The following RNF181 variants were observed in gnomAD, a reference collection of about 807,000 sequenced individuals.
RNF181 encodes E3 ubiquitin-protein ligase RNF181.
RNF181 carries 25 observed loss-of-function variants against 23.3 expected under a neutral mutation model. That is an observed-to-expected ratio of 1.07 (90% CI 0.78 to 1.50). RNF181 has a LOEUF of 1.50. RNF181 is among the 40% of genes most tolerant of loss of function. The pLI is 0.00. For missense variants in RNF181, 167 were observed against 191.1 expected (o/e 0.87, Z 0.74); for synonymous variants, 62 against 70.9 (o/e 0.87, Z 0.63).
Position 85,597,104 on chromosome 2 carries a change from A to C in RNF181, c.328A>C (p.Thr110Pro). The C allele has an allele frequency of 1.2e-6, 2 of 1,614,108 alleles. No individual in the cohort carries two copies. Among genetic ancestry groups the C allele is most frequent in the Non-Finnish European group, 1.7e-6 (2 of 1,180,002 alleles). The change falls in exon 4 of 5, where the codon ACA (threonine) becomes CCA (proline). Residue 110 changes from threonine (T) to proline (P), a missense_variant and splice_region_variant. Transcript: ENST00000306368. The part of the protein sequence containing the change: ...SSCILPWLSK[T>P]NSCPLCRYEL... ...TAGAACACTACTCTACTTTTCTCAG[A>C]CAAATTCCTGTCCCTTGTGCCGCTA...
intron 1 of RNF181, 103 bp downstream of exon 1, chr2:85,595,952 A>T: frequency 2.0e-6 from 2 of 981,334 alleles, no homozygotes; most frequent in Non-Finnish European, 3.2e-6. Context: ...TGGGGAGGAC[A>T]GATGAGTAAT....
In RNF181 at chr2:85,597,530, T is replaced by C. The variant is rs1672702591; in HGVS notation, c.*26T>C. 6.2e-7 allele frequency: 1 copy of C among 1,612,978 alleles called. No homozygotes were observed. ...GGAGGTTGGGGCTGAGTGCTGGCCC[T>C]CTGCGTCTTCCTTATTAACCTTGAA... is the stretch of plus-strand genomic sequence containing the variant. On this transcript the variant is annotated 3_prime_UTR_variant, in exon 5 of 5. Transcript: ENST00000306368.
chr2:85,597,355 A>G, intron 4 of RNF181, 90 bp from the exon 5 acceptor site: 1 of 1,501,946 alleles, frequency 6.7e-7, no homozygotes, highest in South Asian at 1.3e-5. Context: ...CAGAGGCCTG[A>G]AAACAGAGCC....
intron 4 of RNF181, 102 bp downstream of exon 4, chr2:85,597,280 T>G: frequency 2.9e-6 from 4 of 1,377,830 alleles, no homozygotes; most frequent in Non-Finnish European, 4.0e-6. Flanking sequence ...GGCCTCAGAA[T>G]CCCTGGCTCT....
In RNF181 at chr2:85,596,519, G is replaced by GGGA. The variant is rs751546184; in HGVS notation, c.87_88insGGA (p.Arg29_Ser30insGly). ...TCTGACTTTACATCCCCTTCCCCAGGTCACTTTTCAATAGGATGGACTTTG... is the reference window on the plus strand; with the variant it reads ...TCTGACTTTACATCCCCTTCCCCAGGGGATCACTTTTCAATAGGATGGACTTTG... On this transcript the variant is annotated inframe_insertion and splice_region_variant, in exon 2 of 5. Coordinates refer to ENST00000306368, the MANE Select transcript of RNF181 (RefSeq NM_016494.4). 39 of 1,600,542 alleles carry GGGA rather than the reference G, an allele frequency of 2.4e-5. No homozygotes were observed.
chr2:85,595,866 T>A lies in RNF181; in HGVS notation c.86+17T>A. 1.2e-6 allele frequency: 2 copies of A among 1,611,112 alleles called. No homozygotes were observed. Among genetic ancestry groups the A allele is most frequent in the Non-Finnish European group, 8.5e-7 (1 of 1,178,244 alleles). ...GCTCGCAAGGTGGGTGCGCGGGGCT[T>A]GGGGATAGGGTCCAACCAGCAGGTT... On this transcript the variant is annotated intron_variant, in intron 1 of 4. Transcript: ENST00000306368.
rs190696311 is a variant in RNF181 at position 85,596,641 on chromosome 2, C to G, written c.209C>G (p.Ser70Cys). The change falls in exon 2 of 5, where the codon TCT becomes TGT. Residue 70 changes from serine to cysteine, a missense_variant. Coordinates refer to ENST00000306368, the MANE Select transcript of RNF181 (RefSeq NM_016494.4). The part of the protein sequence containing the change: ...ENLPRTVIRG[S>C]QAELKCPVCL... ...CTCCCCAGGACAGTCATCAGAGGCT[C>G]TCAGGCTGGTGAGGACACTGATTCT... The G allele has an allele frequency of 1.3e-5, 21 of 1,613,688 alleles. No individual in the cohort carries two copies. The African/African-American group carries it at 1.5e-4, about 11-fold the overall frequency.
chr2:85,597,666 A>T lies in RNF181; in HGVS notation c.*162A>T. 7.3e-7 allele frequency: 1 copy of T among 1,368,074 alleles called. No homozygotes were observed. The highest frequency in any genetic ancestry group is 1.6e-5 in the South Asian group (1 of 62,160). The allele number at this position is 1,368,074 out of a possible 1,614,324, so 84.7% of individuals were successfully genotyped here. The stretch of plus-strand genomic sequence containing the variant: ...ACTTCTGTTGGGGAAGGTGATCCTA[A>T]ATCGCAGAAGGCACCAGGCTGCGGT... On this transcript the variant is annotated 3_prime_UTR_variant, in exon 5 of 5. Coordinates refer to ENST00000306368, the MANE Select transcript of RNF181 (RefSeq NM_016494.4).
intron 1 of RNF181, among the ~76,000 whole-genome samples, chr2:85,596,155 G>A (rs1312379908): frequency 6.6e-6 from 1 of 152,084 alleles, no homozygotes; most frequent in Non-Finnish European, 1.5e-5. Context: ...GGGCGGGGTT[G>A]GGGCCGTGTG....
chr2:85,595,919 G>A (rs1672663629), intron 1 of RNF181, 70 bp downstream of exon 1: 2 of 1,350,476 alleles, frequency 1.5e-6, no homozygotes, highest in African/African-American at 2.9e-5. Context: ...TGGAGAAGGC[G>A]GATTACCAGG....
Position 85,597,442 on chromosome 2 carries a change from C to A in RNF181, c.403-3C>A. The A allele has an allele frequency of 6.2e-7, 1 of 1,607,228 alleles. No individual in the cohort carries two copies. Among genetic ancestry groups the A allele is most frequent in the South Asian group, 1.1e-5 (1 of 90,186 alleles). ...CCTGCCCAGCATGCCTTCTTTCCTT[C>A]AGGCTCGAAAACAGCAGCAGCAACA... On this transcript the variant is annotated splice_region_variant and splice_polypyrimidine_tract_variant and intron_variant, in intron 4 of 4. Transcript: ENST00000306368.
intron 4 of RNF181, 43 bp downstream of exon 4, chr2:85,597,221 T>C (rs748662525): frequency 6.5e-7 from 1 of 1,537,692 alleles, no homozygotes; most frequent in South Asian, 1.2e-5. Flanking sequence ...ATGGGCTCCC[T>C]GAGTCCTGTC....
chr2:85,597,387 C>G (rs2232751), intron 4 of RNF181, 58 bp from the exon 5 acceptor site: 54 of 1,547,580 alleles, frequency 3.5e-5, no homozygotes, highest in Non-Finnish European at 4.5e-5. Flanking sequence ...AGCTGCCCAT[C>G]CCCTCACCCA....
Position 85,596,521 on chromosome 2 carries a change from C to G in RNF181, c.89C>G (p.Ser30Ter), listed in dbSNP as rs773107458. ...TGACTTTACATCCCCTTCCCCAGGT[C>G]ACTTTTCAATAGGATGGACTTTGAA... ...RTNMLLELAR[S>*]LFNRMDFEDL... Residue 30 changes from serine (S) to a stop codon, truncating the protein, a stop_gained and splice_region_variant, in exon 2 of 5, where the codon TCA becomes TGA. Coordinates refer to ENST00000306368, the MANE Select transcript of RNF181 (RefSeq NM_016494.4). LOFTEE classifies it high-confidence loss of function. 39 of 1,600,184 alleles carry G rather than the reference C, an allele frequency of 2.4e-5. No individual in the cohort carries two copies.
At chr2:85,595,926 C>A in intron 1 of RNF181, 77 bp downstream of exon 1, 2 of 1,303,824 alleles carry the variant, frequency 1.5e-6, no homozygotes, top group Non-Finnish European at 2.2e-6. Flanking sequence ...GGCGGATTAC[C>A]AGGGGCAGCG....
chr2:85,596,549 C>G lies in RNF181; in HGVS notation c.117C>G (p.Asp39Glu), dbSNP rs187615860. Reference protein sequence around the residue: ...RSLFNRMDFEDLGLVVDWDHH... With the variant: ...RSLFNRMDFEELGLVVDWDHH... ...TTTTCAATAGGATGGACTTTGAAGA[C>G]TTGGGGTTGGTAGTAGATTGGGACC... Residue 39 changes from aspartate to glutamate, a missense_variant, in exon 2 of 5, where the codon GAC becomes GAG. Asp to Glu is a conservative substitution (Grantham distance 45). Coordinates refer to ENST00000306368, the MANE Select transcript of RNF181 (RefSeq NM_016494.4). 2.5e-6 allele frequency: 4 copies of G among 1,613,234 alleles called. No homozygotes were observed. The South Asian group carries it at 4.4e-5, about 18-fold the overall frequency.
intron 1 of RNF181, among the ~76,000 whole-genome samples, chr2:85,596,074 G>C (rs1389429497): frequency 6.6e-6 from 1 of 152,070 alleles, no homozygotes; most frequent in African/African-American, 2.4e-5. Flanking sequence ...AAAGATTGGA[G>C]CTGGAGAGTG....
intron 4 of RNF181, 98 bp downstream of exon 4, chr2:85,597,276 A>C (rs1175427131): frequency 1.1e-5 from 15 of 1,384,032 alleles, no homozygotes; most frequent in Non-Finnish European, 1.5e-5. Context: ...GGTAGGCCTC[A>C]GAATCCCTGG....
Position 85,596,519 on chromosome 2 carries a change from G to C in RNF181, c.87G>C (p.Arg29Ser), listed in dbSNP as rs1672674187. Residue 29 changes from arginine (R) to serine (S), a missense_variant and splice_region_variant, in exon 2 of 5, where the codon AGG (arginine) becomes AGC (serine). Physicochemically the swap from Arg to Ser is moderately radical, Grantham distance 110. Coordinates refer to ENST00000306368, the MANE Select transcript of RNF181 (RefSeq NM_016494.4). ...TCTGACTTTACATCCCCTTCCCCAG[G>C]TCACTTTTCAATAGGATGGACTTTG... ...TRTNMLLELA[R>S]SLFNRMDFED... 1 of 1,600,662 alleles carries C rather than the reference G, an allele frequency of 6.2e-7. No individual in the cohort carries two copies. Among genetic ancestry groups the C allele is most frequent in the Non-Finnish European group, 8.5e-7 (1 of 1,174,232 alleles).
Sources: allele counts gnomAD v4.1 joint callset (sites outside exome capture counted in the v4.1 genomes callset), GRCh38; gene constraint gnomAD v4.1.1; transcripts MANE v1.5; gene names NCBI Gene and HGNC (gene_info 2026-07-23, HGNC 2026-07-21).